Variants in PLEKHA8 observed in about 807,000 individuals in gnomAD.
PLEKHA8 encodes pleckstrin homology domain-containing family A member 8.
A neutral mutation model predicts 68.2 loss-of-function variants in PLEKHA8; 36 were observed. That is an observed-to-expected ratio of 0.53 (90% CI 0.40 to 0.70). The LOEUF is 0.70. PLEKHA8 is among the 30% of genes least tolerant of loss of function. The pLI, the probability that PLEKHA8 is intolerant of heterozygous loss-of-function variation, is 0.00. For synonymous variants in PLEKHA8, 211 were observed against 216.1 expected, an observed-to-expected ratio of 0.98 and a Z score of 0.20; for missense variants, 505 against 615.4, an observed-to-expected ratio of 0.82 and a Z score of 1.90.
chr7:30,056,331 TAAATAA>T (rs1792904640), intron 9 of PLEKHA8, among the ~76,000 whole-genome samples: 105 of 130,302 alleles, frequency 8.1e-4, no homozygotes, highest in African/African-American at 2.8e-3. Context: ...TATATATATA[TAAATAA>T]CATATATATA....
chr7:30,104,713 CTTT>C (rs34669397), intron 13 of PLEKHA8, among the ~76,000 whole-genome samples: 2 of 102,864 alleles, frequency 1.9e-5, no homozygotes, highest in African/African-American at 7.1e-5. Context: ...GTCACAACAG[CTTT>C]TTTTTTTTTT....
intron 13 of PLEKHA8, chr7:30,116,118 A>G (rs1326275018): frequency 2.0e-5 from 3 of 151,044 alleles, no homozygotes; most frequent in Non-Finnish European, 4.4e-5. Context: ...ACATACACGT[A>G]TACATGTGTA....
chr7:30,031,405 G>GT (rs1292292294), intron 1 of PLEKHA8, among the ~76,000 whole-genome samples: 5 of 152,178 alleles, frequency 3.3e-5, no homozygotes, highest in Admixed American at 3.3e-4. Flanking sequence ...AGGCAGAGGT[G>GT]TAGTTAGAGG....
chr7:30,054,712 A>G lies in PLEKHA8; in HGVS notation c.800A>G (p.Gln267Arg), dbSNP rs1792688786. Residue 267 changes from glutamine to arginine, a missense_variant, in exon 8 of 14, where the codon CAA becomes CGA. By Grantham distance (43) the Gln-to-Arg change is conservative. Transcript: ENST00000449726. ...ATAGATATTTTCTACTTTGCAGTCC[A>G]AGGTGAAATAAGGAAGGAAGATGGA... ...EENTDDNITV[Q>R]GEIRKEDGME... is the part of the protein sequence containing the mutation. 1 of 1,577,088 alleles carries G rather than the reference A, an allele frequency of 6.3e-7. No individual in the cohort carries two copies. Among genetic ancestry groups the G allele is most frequent in the East Asian group, 2.3e-5 (1 of 43,692 alleles).
chr7:30,055,159 C>A, intron 8 of PLEKHA8, 98 bp from the exon 9 acceptor site: 2 of 1,091,838 alleles, frequency 1.8e-6, no homozygotes, highest in Non-Finnish European at 2.8e-6. Flanking sequence ...ACGATTTGCC[C>A]TACAGAGAGG....
At chr7:30,056,482 A>T (rs1792942664) in intron 9 of PLEKHA8, among the ~76,000 whole-genome samples, 1 of 148,266 alleles carries the variant, frequency 6.7e-6, no homozygotes, top group South Asian at 2.1e-4. Flanking sequence ...TAATCCCAGC[A>T]CTTTGGGAGG....
At chr7:30,034,495 C>T (rs1583764053) in intron 1 of PLEKHA8, among the ~76,000 whole-genome samples, 2 of 152,156 alleles carry the variant, frequency 1.3e-5, no homozygotes, top group South Asian at 2.1e-4. Context: ...ATAACTTTAA[C>T]AATTAACACA....
chr7:30,066,079 T>TGA (rs2127991139), intron 12 of PLEKHA8, among the ~76,000 whole-genome samples: 1 of 152,346 alleles, frequency 6.6e-6, no homozygotes, highest in South Asian at 2.1e-4. Flanking sequence ...GTCTACATCT[T>TGA]GATAATTTTG....
chr7:30,091,172 C>A (rs959982763), downstream of PLEKHA8, among the ~76,000 whole-genome samples: 2 of 152,186 alleles, frequency 1.3e-5, no homozygotes, highest in South Asian at 2.1e-4. Flanking sequence ...TCCTCTATCT[C>A]TCTATCTCTG....
chr7:30,056,804 G>A (rs1007933756), intron 9 of PLEKHA8, among the ~76,000 whole-genome samples: 3 of 136,518 alleles, frequency 2.2e-5, no homozygotes, highest in African/African-American at 8.0e-5. Context: ...TATGTTATGT[G>A]TATATATATG....
At position 30,127,906 on chromosome 7, in the gene PLEKHA8, A is replaced by G. The variant is rs1041894483; in HGVS notation, c.1363-1360A>G. On this transcript the variant is annotated intron_variant, in intron 13 of 13. Transcript: ENST00000396257. ...ATCTTACTGGTTCCCTTATGAGTTA[A>G]TTAAGAAGTTAAATAAAATCTTTGA... Among the ~76,000 whole-genome samples, 5 of 152,320 alleles carry G rather than the reference A, an allele frequency of 3.3e-5. No individual in the cohort carries two copies. In the East Asian group the frequency reaches 9.6e-4, roughly 29 times the overall value.
At chr7:30,035,925 C>T (rs1419032262) in intron 1 of PLEKHA8, among the ~76,000 whole-genome samples, 1 of 151,944 alleles carries the variant, frequency 6.6e-6, no homozygotes, top group African/African-American at 2.4e-5. Flanking sequence ...GGATTACAGG[C>T]ATGAGCCACC....
At chr7:30,071,371 G>A (rs1308156587) in intron 12 of PLEKHA8, among the ~76,000 whole-genome samples, 3 of 152,156 alleles carry the variant, frequency 2.0e-5, no homozygotes, top group East Asian at 1.9e-4. Flanking sequence ...TGTGATGCTC[G>A]CTCTGTCTGC....
At chr7:30,106,470 T>C (rs1460666639) in intron 13 of PLEKHA8, among the ~76,000 whole-genome samples, 1 of 152,232 alleles carries the variant, frequency 6.6e-6, no homozygotes, top group Non-Finnish European at 1.5e-5. Flanking sequence ...ATTCAGGCTA[T>C]TCTTTTCCTG....
chr7:30,031,972 A>G (rs1790704389), intron 1 of PLEKHA8, among the ~76,000 whole-genome samples: 1 of 145,044 alleles, frequency 6.9e-6, no homozygotes, highest in African/African-American at 2.5e-5. Context: ...TGAAAAATAC[A>G]AAAAAAAAAA....
chr7:30,070,855 T>C (rs1794190764), intron 12 of PLEKHA8, among the ~76,000 whole-genome samples: 1 of 152,228 alleles, frequency 6.6e-6, no homozygotes, highest in South Asian at 2.1e-4. Context: ...CCCAGAGCTC[T>C]TTTAAACAAG....
At chr7:30,115,580 GTATACATGTAGACATGTATACATACATT>G in intron 13 of PLEKHA8, among the ~76,000 whole-genome samples, 1 of 90,514 alleles carries the variant, frequency 1.1e-5, no homozygotes, top group Non-Finnish European at 2.7e-5. Context: ...ATACATGCAC[GTATACATGTAGACATGTATACATACATT>G]TATACATGCA....
chr7:30,127,619 A>G (rs61295007), intron 13 of PLEKHA8, among the ~76,000 whole-genome samples: 1 of 152,340 alleles, frequency 6.6e-6, no homozygotes, highest in African/African-American at 2.4e-5. Flanking sequence ...CTTCAATGGA[A>G]AACTATGCCT....
At chr7:30,030,259 TC>T (rs1305479128) in intron 1 of PLEKHA8, among the ~76,000 whole-genome samples, 2 of 152,220 alleles carry the variant, frequency 1.3e-5, no homozygotes, top group Non-Finnish European at 2.9e-5. Flanking sequence ...CTTCTTTTTT[TC>T]CCATTCTTCC....
Sources: allele counts gnomAD v4.1 joint callset (sites outside exome capture counted in the v4.1 genomes callset), GRCh38; gene constraint gnomAD v4.1.1; transcripts MANE v1.5; gene names NCBI Gene and HGNC (gene_info 2026-07-23, HGNC 2026-07-21).